The following TMPRSS11E variants were observed in gnomAD, a reference collection of about 807,000 sequenced individuals.
TMPRSS11E encodes transmembrane protease serine 11E.
TMPRSS11E carries 38 observed loss-of-function variants against 48.1 expected under a neutral mutation model. The observed-to-expected ratio is 0.79, with a 90% CI of 0.61 to 1.04. The LOEUF (loss-of-function observed/expected upper bound fraction) is 1.04, where lower values mean the gene tolerates loss of function less well. Among genes scored for constraint, TMPRSS11E ranks in the 50% least tolerant of loss-of-function variants. TMPRSS11E has a pLI of 0.00. For missense variants in TMPRSS11E, 530 were observed against 510.8 expected (o/e 1.04, Z -0.36); for synonymous variants, 158 against 171.9 (o/e 0.92, Z 0.63).
intron 1 of TMPRSS11E, among the ~76,000 whole-genome samples, chr4:68,454,631 T>C (rs1342506743): frequency 6.6e-6 from 1 of 151,932 alleles, no homozygotes; most frequent in African/African-American, 2.4e-5. Flanking sequence ...TTTTTCAATT[T>C]CTCCTCATTG....
intron 9 of TMPRSS11E, among the ~76,000 whole-genome samples, chr4:68,490,033 C>T (rs1022402492): frequency 1.3e-5 from 2 of 152,166 alleles, no homozygotes; most frequent in African/African-American, 4.8e-5. Flanking sequence ...GATGAGGGGT[C>T]TCCTGCAGCT....
At chr4:68,460,782 A>G (rs943911136) in intron 1 of TMPRSS11E, among the ~76,000 whole-genome samples, 2 of 152,216 alleles carry the variant, frequency 1.3e-5, no homozygotes, top group Non-Finnish European at 1.5e-5. Flanking sequence ...TTTACCAATC[A>G]AACAAAAATC....
chr4:68,464,866 T>A (rs1728885472), intron 2 of TMPRSS11E, among the ~76,000 whole-genome samples: 1 of 152,188 alleles, frequency 6.6e-6, no homozygotes, highest in Non-Finnish European at 1.5e-5. Context: ...AAATGCAAAA[T>A]CTTGAGTCTA....
chr4:68,488,590 G>C (rs1729627802), intron 9 of TMPRSS11E, among the ~76,000 whole-genome samples: 1 of 152,066 alleles, frequency 6.6e-6, no homozygotes, highest in East Asian at 1.9e-4. Flanking sequence ...CCAGGCTGGA[G>C]TGCAGTGGCA....
At chr4:68,452,436 C>T (rs1357463913) in intron 1 of TMPRSS11E, among the ~76,000 whole-genome samples, 3 of 151,900 alleles carry the variant, frequency 2.0e-5, no homozygotes, top group Non-Finnish European at 2.9e-5. Context: ...CATATGTTTT[C>T]TCATTTGGTA....
Position 68,452,943 on chromosome 4 carries a change from C to T in TMPRSS11E, c.11+5420C>T, listed in dbSNP as rs535429754. Among the ~76,000 whole-genome samples the T allele has an allele frequency of 6.6e-5, 10 of 151,900 alleles. No homozygotes were observed. In the East Asian group the frequency reaches 1.7e-3, roughly 26 times the overall value. ...CTCAAATCTCTGAATTGGATGGGTC[C>T]GAAGATGAACGCTTTTTAAAGTTTT... On this transcript the variant is annotated intron_variant, in intron 1 of 9. Transcript: ENST00000305363.
intron 9 of TMPRSS11E, among the ~76,000 whole-genome samples, chr4:68,490,751 C>CTTTTTTTTTTTTT (rs1158277585): frequency 1.4e-5 from 1 of 69,328 alleles, no homozygotes; most frequent in African/African-American, 6.0e-5. Flanking sequence ...TCAGCATATT[C>CTTTTTTTTTTTTT]TTTTTTTTTT....
intron 4 of TMPRSS11E, among the ~76,000 whole-genome samples, chr4:68,470,868 A>G (rs1247421625): frequency 2.0e-5 from 3 of 151,896 alleles, no homozygotes; most frequent in Admixed American, 2.0e-4. Context: ...TAGGATTAGG[A>G]GTTGTTTAGG....
chr4:68,467,650 C>G (rs1370441059), intron 3 of TMPRSS11E, among the ~76,000 whole-genome samples: 1 of 152,146 alleles, frequency 6.6e-6, no homozygotes, highest in Non-Finnish European at 1.5e-5. Context: ...GTTCCAATAA[C>G]CTGAATAAGA....
intron 2 of TMPRSS11E, among the ~76,000 whole-genome samples, chr4:68,462,329 C>A (rs1279354307): frequency 6.6e-6 from 1 of 151,482 alleles, no homozygotes; most frequent in Non-Finnish European, 1.5e-5. Context: ...GTAATCTCAG[C>A]ACTTTGGGAG....
At chr4:68,477,343 T>C (rs1205317248) in intron 7 of TMPRSS11E, 26 bp from the exon 8 acceptor site, 4 of 1,579,442 alleles carry the variant, frequency 2.5e-6, no homozygotes, top group African/African-American at 1.4e-5. Context: ...TAAAAAGAAA[T>C]TTATTCTTCA....
At chr4:68,475,140 A>G (rs1729175649) in intron 6 of TMPRSS11E, among the ~76,000 whole-genome samples, 1 of 152,176 alleles carries the variant, frequency 6.6e-6, no homozygotes, top group Non-Finnish European at 1.5e-5. Flanking sequence ...TATATCCTAG[A>G]TAAAATCTTC....
chr4:68,463,509 G>A (rs1366044106), intron 2 of TMPRSS11E, among the ~76,000 whole-genome samples: 4 of 152,264 alleles, frequency 2.6e-5, no homozygotes, highest in Non-Finnish European at 4.4e-5. Context: ...CACCATGTTC[G>A]TCAGGCTGGT....
chr4:68,481,232 G>A (rs1023280681), intron 9 of TMPRSS11E, among the ~76,000 whole-genome samples: 3 of 152,150 alleles, frequency 2.0e-5, no homozygotes, highest in African/African-American at 4.8e-5. Flanking sequence ...TTGATTCCAT[G>A]ACTATTGTGA....
At chr4:68,483,272 G>A (rs939865017) in intron 9 of TMPRSS11E, among the ~76,000 whole-genome samples, 22 of 151,972 alleles carry the variant, frequency 1.4e-4, no homozygotes, top group African/African-American at 4.8e-4. Context: ...AGTGGGAGGA[G>A]GTGCCACACA....
intron 5 of TMPRSS11E, among the ~76,000 whole-genome samples, chr4:68,473,673 G>A (rs1448890757): frequency 6.6e-6 from 1 of 152,076 alleles, no homozygotes; most frequent in Admixed American, 6.6e-5. Context: ...AGGCCATTGT[G>A]AGTGTGAGAC....
intron 9 of TMPRSS11E, among the ~76,000 whole-genome samples, chr4:68,482,598 A>C (rs1423081931): frequency 2.3e-4 from 6 of 25,958 alleles, no homozygotes; most frequent in Non-Finnish European, 3.5e-4. Flanking sequence ...CACAAAAAAA[A>C]AAAAAAAAAA....
chr4:68,460,759 A>G lies in TMPRSS11E; in HGVS notation c.12-1062A>G, dbSNP rs1560548306. 2.6e-5 allele frequency among the ~76,000 whole-genome samples: 4 copies of G among 152,326 alleles called. No individual in the cohort carries two copies. The South Asian group carries it at 8.3e-4, about 32-fold the overall frequency. ...TTTGCTTACCAAATATTATAACCCAATGGGACAGCAACTTTACCAATCAAA... is the reference window on the plus strand; with the variant it reads ...TTTGCTTACCAAATATTATAACCCAGTGGGACAGCAACTTTACCAATCAAA... On this transcript the variant is annotated intron_variant, in intron 1 of 9. Transcript: ENST00000305363.
Position 68,451,193 on chromosome 4 carries a change from T to C in TMPRSS11E, c.11+3670T>C, listed in dbSNP as rs139669497. On this transcript the variant is annotated intron_variant, in intron 1 of 9. Coordinates refer to ENST00000305363, the MANE Select transcript of TMPRSS11E (RefSeq NM_014058.4). Reference sequence around the variant, plus strand: ...GGTTCTCTGGCTTGTTTTATGGCTCTATCAGGGTTAGAGTTTAGAGAAACT... The same window carrying C: ...GGTTCTCTGGCTTGTTTTATGGCTCCATCAGGGTTAGAGTTTAGAGAAACT... Among the ~76,000 whole-genome samples the C allele has an allele frequency of 7.6e-3, 1,157 of 152,036 alleles. 19 individuals carry two copies. Among genetic ancestry groups the C allele is most frequent in the African/African-American group, 0.027 (1,111 of 41,544 alleles).
Sources: allele counts gnomAD v4.1 joint callset (sites outside exome capture counted in the v4.1 genomes callset), GRCh38; gene constraint gnomAD v4.1.1; transcripts MANE v1.5; gene names NCBI Gene and HGNC (gene_info 2026-07-23, HGNC 2026-07-21).